NBDY: variants seen among roughly 807,000 people sequenced by gnomAD.
NBDY encodes P-body dissociating protein.
chrX:56,786,368 T>A, intron 2 of NBDY, among the ~76,000 whole-genome samples: 1 of 111,951 alleles, frequency 8.9e-6, no homozygotes. Flanking sequence ...TGTCCTTTGT[T>A]GTGTACATCA....
intron 2 of NBDY, among the ~76,000 whole-genome samples, chrX:56,735,138 C>G (rs1340089882): frequency 1.8e-5 from 2 of 111,958 alleles, no homozygotes; most frequent in African/African-American, 6.5e-5. Context: ...TAGAAAGGCC[C>G]TCTCTTTCAA....
At chrX:56,802,335 T>A (rs1052040413) in intron 2 of NBDY, among the ~76,000 whole-genome samples, 11 of 112,032 alleles carry the variant, frequency 9.8e-5, no homozygotes, top group Admixed American at 1.9e-4. Context: ...AGGCAGACAG[T>A]CCCCTTGGGA....
intron 2 of NBDY, among the ~76,000 whole-genome samples, chrX:56,760,106 TTGC>T (rs2069630967): frequency 8.9e-6 from 1 of 112,188 alleles, no homozygotes; most frequent in African/African-American, 3.2e-5. Flanking sequence ...GCCTCTAGAG[TTGC>T]TGCTTCTCCA....
intron 2 of NBDY, among the ~76,000 whole-genome samples, chrX:56,797,042 T>C (rs934339245): frequency 9.0e-6 from 1 of 110,664 alleles, no homozygotes; most frequent in Non-Finnish European, 1.9e-5. Flanking sequence ...TCCTCTTCTT[T>C]ATTGTTCTTT....
intron 2 of NBDY, among the ~76,000 whole-genome samples, chrX:56,808,986 A>G (rs1169525752): frequency 1.8e-5 from 2 of 112,508 alleles, no homozygotes; most frequent in African/African-American, 6.5e-5. Context: ...TTCAAGGAAC[A>G]TATTTATTTC....
chrX:56,755,277 A>G (rs2069604196), intron 2 of NBDY, among the ~76,000 whole-genome samples: 1 of 112,519 alleles, frequency 8.9e-6, no homozygotes, highest in Non-Finnish European at 1.9e-5. Context: ...AACAAAAGCC[A>G]AAATTGACAA....
intron 2 of NBDY, among the ~76,000 whole-genome samples, chrX:56,740,500 T>G (rs1189268872): frequency 9.0e-6 from 1 of 111,446 alleles, no homozygotes; most frequent in Non-Finnish European, 1.9e-5. Context: ...ATCTTCTCTA[T>G]TCCTAAGTTT....
intron 1 of NBDY, among the ~76,000 whole-genome samples, chrX:56,731,285 G>A (rs747738749): frequency 9.1e-6 from 1 of 109,501 alleles, no homozygotes; most frequent in Non-Finnish European, 1.9e-5. Context: ...GCAGCCGGGC[G>A]CAGTGGCTCA....
At chrX:56,758,433 A>G (rs1232739360) in intron 2 of NBDY, among the ~76,000 whole-genome samples, 2 of 111,685 alleles carry the variant, frequency 1.8e-5, no homozygotes, top group African/African-American at 6.5e-5. Context: ...GGGATGGGGC[A>G]GGACAGGACG....
At chrX:56,814,719 T>C (rs2069903340) in intron 2 of NBDY, among the ~76,000 whole-genome samples, 1 of 111,040 alleles carries the variant, frequency 9.0e-6, no homozygotes, top group Non-Finnish European at 1.9e-5. Flanking sequence ...GGCCTCCATC[T>C]CTTGACCTCG....
chrX:56,742,998 T>C (rs1201424559), intron 2 of NBDY, among the ~76,000 whole-genome samples: 1 of 111,390 alleles, frequency 9.0e-6, no homozygotes, highest in Non-Finnish European at 1.9e-5. Context: ...GGTATGTTCC[T>C]TCTATACCCA....
chrX:56,735,651 C>G (rs757535821), intron 2 of NBDY, among the ~76,000 whole-genome samples: 1 of 111,971 alleles, frequency 8.9e-6, no homozygotes, highest in Non-Finnish European at 1.9e-5. Context: ...TGTAATTGTG[C>G]ACAGTAGATG....
chrX:56,745,931 C>G (rs2069555544), intron 2 of NBDY, among the ~76,000 whole-genome samples: 1 of 111,511 alleles, frequency 9.0e-6, no homozygotes, highest in South Asian at 3.8e-4. Flanking sequence ...AGCATAGATA[C>G]CTTTGGGGAT....
In NBDY at chrX:56,735,955, A is replaced by G. The variant is rs1267894115; in HGVS notation, c.*166+3756A>G. ...AAATAATCTGACTAGCAAAAAAAAA[A>G]AAAAAAATGGGGGGTGGTTCCTAGG... is the stretch of plus-strand genomic sequence containing the variant. On this transcript the variant is annotated intron_variant, in intron 2 of 2. Transcript: ENST00000374922. Among the ~76,000 whole-genome samples, 3 of 111,223 alleles carry G rather than the reference A, an allele frequency of 2.7e-5. No individual in the cohort carries two copies. The Admixed American group carries it at 2.9e-4, about 11-fold the overall frequency.
chrX:56,765,596 C>T (rs1228829187), intron 2 of NBDY, among the ~76,000 whole-genome samples: 2 of 111,412 alleles, frequency 1.8e-5, no homozygotes, highest in African/African-American at 3.3e-5. Context: ...CTAGATCCTT[C>T]GGGACAGCTA....
chrX:56,766,364 C>A (rs1322410762), intron 2 of NBDY, among the ~76,000 whole-genome samples: 1 of 111,818 alleles, frequency 8.9e-6, no homozygotes, highest in Non-Finnish European at 1.9e-5. Context: ...CACACACAGA[C>A]ACACATGCAG....
intron 2 of NBDY, among the ~76,000 whole-genome samples, chrX:56,734,438 CCTT>C (rs779597479): frequency 8.0e-5 from 9 of 112,439 alleles, no homozygotes; most frequent in African/African-American, 2.9e-4. Context: ...ACAAACATAT[CCTT>C]CTTCAAGATG....
At chrX:56,762,692 C>T (rs541012963) in intron 2 of NBDY, among the ~76,000 whole-genome samples, 3 of 111,115 alleles carry the variant, frequency 2.7e-5, no homozygotes, top group African/African-American at 9.8e-5. Flanking sequence ...CCTCTCCTTC[C>T]AGTCAAGCCA....
At chrX:56,781,271 A>C (rs1267856712) in intron 2 of NBDY, among the ~76,000 whole-genome samples, 2 of 111,862 alleles carry the variant, frequency 1.8e-5, no homozygotes, top group African/African-American at 3.3e-5. Flanking sequence ...TCATCTAAGC[A>C]ACCCTCAGGA....
Sources: allele counts gnomAD v4.1 joint callset (sites outside exome capture counted in the v4.1 genomes callset), GRCh38; gene constraint gnomAD v4.1.1; transcripts MANE v1.5; gene names NCBI Gene and HGNC (gene_info 2026-07-23, HGNC 2026-07-21).